RMP64: variants seen among roughly 807,000 people sequenced by gnomAD.
RMP64 encodes the protein ribonuclease MRP subunit p64, also known as nucleolus and neural progenitor protein.
chr3:113,013,498 AG>A, the RMP64 span: 1 of 1,137,016 alleles, frequency 8.8e-7, no homozygotes. Context: ...TTTATTATAA[AG>A]GATATGACAA....
chr3:113,015,915 T>G, the RMP64 span, among the ~76,000 whole-genome samples: 1 of 137,846 alleles, frequency 7.3e-6, no homozygotes, highest in African/African-American at 2.7e-5. Context: ...CAACTTAAAA[T>G]GAGATTACTA....
At chr3:113,003,382 C>T in the RMP64 span, 1 of 152,096 alleles carries the variant, frequency 6.6e-6, no homozygotes, top group African/African-American at 2.4e-5. Context: ...ATGACCCTGA[C>T]AATAGTTTCT....
At chr3:113,013,199 AC>A in the RMP64 span, 1 of 1,543,734 alleles carries the variant, frequency 6.5e-7, no homozygotes, top group African/African-American at 1.4e-5. Flanking sequence ...TAGCTTTCAA[AC>A]AAAAATACTG....
the RMP64 span, among the ~76,000 whole-genome samples, chr3:113,007,067 T>C: frequency 6.6e-6 from 1 of 152,160 alleles, no homozygotes; most frequent in East Asian, 1.9e-4. Flanking sequence ...CTCATTAACT[T>C]TTAGTTGTTA....
the RMP64 span, chr3:113,017,336 A>G: frequency 1.1e-6 from 1 of 886,170 alleles, no homozygotes; most frequent in South Asian, 2.2e-5. Flanking sequence ...ATAAAACACA[A>G]GTAATTTACT....
the RMP64 span, among the ~76,000 whole-genome samples, chr3:113,007,290 AC>A: frequency 1.3e-5 from 2 of 152,004 alleles, no homozygotes; most frequent in Non-Finnish European, 2.9e-5. Flanking sequence ...GTGTTACAAA[AC>A]CCTCACTGTA....
At chr3:113,007,163 T>C in the RMP64 span, among the ~76,000 whole-genome samples, 2 of 152,152 alleles carry the variant, frequency 1.3e-5, no homozygotes, top group Non-Finnish European at 2.9e-5. Context: ...AGCCATAGGA[T>C]ACATCACTTT....
At chr3:113,017,601 G>A in the RMP64 span, 3 of 1,613,420 alleles carry the variant, frequency 1.9e-6, no homozygotes, top group South Asian at 1.1e-5. Context: ...CAATGCAAAG[G>A]TCTGAAGCAG....
At chr3:113,008,250 G>GT in the RMP64 span, 2 of 1,614,116 alleles carry the variant, frequency 1.2e-6, no homozygotes, top group Non-Finnish European at 1.7e-6. Context: ...TGAGCCTTGA[G>GT]TTTTTTGCTC....
chr3:113,005,618 A>C, the RMP64 span: 1 of 1,614,020 alleles, frequency 6.2e-7, no homozygotes, highest in Middle Eastern at 1.7e-4. Flanking sequence ...ATTTATTTGC[A>C]TCACCGTCCA....
chr3:113,005,911 C>CT, the RMP64 span: 1 of 1,613,802 alleles, frequency 6.2e-7, no homozygotes, highest in Non-Finnish European at 8.5e-7. Flanking sequence ...GTGATCTTCT[C>CT]TGTCTCAGAT....
the RMP64 span, chr3:113,005,931 A>C: frequency 6.2e-7 from 1 of 1,613,904 alleles, no homozygotes; most frequent in Non-Finnish European, 8.5e-7. Flanking sequence ...TGATGCTTTG[A>C]AGTTTTGATA....
chr3:113,011,548 C>T, the RMP64 span: 4 of 614,388 alleles, frequency 6.5e-6, no homozygotes, highest in South Asian at 7.1e-5. Flanking sequence ...TGCACACTTG[C>T]GAACAGCCAG....
chr3:113,005,612 A>G, the RMP64 span: 1 of 1,613,950 alleles, frequency 6.2e-7, no homozygotes, highest in Non-Finnish European at 8.5e-7. Flanking sequence ...GTTTTTATTT[A>G]TTTGCATCAC....
chr3:113,018,257 GAAGTA>G, the RMP64 span, among the ~76,000 whole-genome samples: 1 of 152,196 alleles, frequency 6.6e-6, no homozygotes, highest in East Asian at 1.9e-4. Flanking sequence ...ATTCTAAATG[GAAGTA>G]AAGGCTGGTT....
At chr3:113,008,269 T>C in the RMP64 span, 1 of 1,614,186 alleles carries the variant, frequency 6.2e-7, no homozygotes, top group African/African-American at 1.3e-5. Context: ...TCCTGCACCA[T>C]ACAACTGCCA....
At chr3:113,015,329 T>C in the RMP64 span, among the ~76,000 whole-genome samples, 1 of 152,206 alleles carries the variant, frequency 6.6e-6, no homozygotes, top group Non-Finnish European at 1.5e-5. Context: ...TTGTGGAGCT[T>C]ACATTATAGC....
the RMP64 span, among the ~76,000 whole-genome samples, chr3:113,007,462 A>G: frequency 6.6e-6 from 1 of 152,226 alleles, no homozygotes; most frequent in African/African-American, 2.4e-5. Context: ...GATATTTGTT[A>G]AAGAATACAA....
the RMP64 span, among the ~76,000 whole-genome samples, chr3:113,012,159 G>C: frequency 6.6e-6 from 1 of 152,120 alleles, no homozygotes; most frequent in Admixed American, 6.6e-5. Flanking sequence ...TAGTTTCCAA[G>C]TATTACCAGC....
Sources: gnomAD v4.1 joint callset for allele counts (sites outside exome capture counted in the v4.1 genomes callset) on GRCh38, gnomAD v4.1.1 for gene constraint, MANE v1.5 for transcripts, NCBI Gene and HGNC (gene_info 2026-07-23, HGNC 2026-07-21) for gene names.